The following PCDHA6 variants were observed in gnomAD, a reference collection of about 807,000 sequenced individuals.
PCDHA6 encodes protocadherin alpha 6.
In PCDHA6, 55 loss-of-function variants were observed where a neutral mutation model predicts 60.3. The ratio of observed to expected loss-of-function variants is 0.91; its 90% confidence interval spans 0.73 to 1.14. PCDHA6 has a LOEUF of 1.14. Among genes scored for constraint, PCDHA6 ranks in the 50% most tolerant of loss-of-function variants. The pLI, the probability that PCDHA6 is intolerant of heterozygous loss-of-function variation, is 0.00. For synonymous variants in PCDHA6, 652 were observed against 557.9 expected (o/e 1.17, Z -2.38); for missense variants, 1,327 against 1,256.5 (o/e 1.06, Z -0.85).
chr5:140,961,054 T>C (rs1290831214), intron 1 of PCDHA6, among the ~76,000 whole-genome samples: 2 of 152,136 alleles, frequency 1.3e-5, no homozygotes, highest in African/African-American at 4.8e-5. Context: ...AACAAAATGT[T>C]GAATGGGATA....
chr5:140,982,663 A>G (rs2096995052), intron 3 of PCDHA6, 100 bp downstream of exon 3: 5 of 1,473,648 alleles, frequency 3.4e-6, no homozygotes, highest in Admixed American at 2.6e-5. Context: ...TTTTTCTTTT[A>G]TATTTTTGTT....
chr5:140,980,030 C>T (rs552658283), intron 2 of PCDHA6, among the ~76,000 whole-genome samples: 29 of 152,292 alleles, frequency 1.9e-4, no homozygotes, highest in Admixed American at 4.6e-4. Flanking sequence ...GAAATCATTA[C>T]ATTGGGTGCT....
At chr5:140,851,005 T>C in intron 1 of PCDHA6, 1 of 1,432,862 alleles carries the variant, frequency 7.0e-7, no homozygotes, top group Non-Finnish European at 9.2e-7. Flanking sequence ...ATCCAGCAGA[T>C]TTTTTTTCTG....
intron 1 of PCDHA6, chr5:140,841,517 G>C (rs2150317250): frequency 6.2e-7 from 1 of 1,613,540 alleles, no homozygotes; most frequent in Non-Finnish European, 8.5e-7. Flanking sequence ...CCTGTTCCGG[G>C]TGGCGTCCAA....
chr5:140,925,088 A>G (rs536355365), intron 1 of PCDHA6, among the ~76,000 whole-genome samples: 11 of 151,436 alleles, frequency 7.3e-5, no homozygotes, highest in African/African-American at 2.7e-4. Context: ...CTGGAAAGGA[A>G]GGAAGGAAGG....
intron 1 of PCDHA6, chr5:140,875,971 CTT>C: frequency 6.2e-7 from 1 of 1,614,030 alleles, no homozygotes. Flanking sequence ...CGTAAACTCT[CTT>C]TTGACCTATG....
chr5:140,871,354 C>A, intron 1 of PCDHA6: 1 of 1,614,210 alleles, frequency 6.2e-7, no homozygotes, highest in Non-Finnish European at 8.5e-7. Flanking sequence ...GTCATACTCG[C>A]AGCAGAGGCG....
chr5:140,833,695 T>G (rs2150210401), intron 1 of PCDHA6, among the ~76,000 whole-genome samples: 1 of 152,154 alleles, frequency 6.6e-6, no homozygotes, highest in Non-Finnish European at 1.5e-5. Context: ...TCTTATTTTG[T>G]TTTCCCAAGA....
chr5:140,869,488 A>C, intron 1 of PCDHA6: 1 of 1,614,132 alleles, frequency 6.2e-7, no homozygotes. Context: ...CATTAACGAC[A>C]ACCCGCCGGT....
At chr5:140,857,777 A>C in intron 1 of PCDHA6, 1 of 1,597,518 alleles carries the variant, frequency 6.3e-7, no homozygotes, top group South Asian at 1.1e-5. Flanking sequence ...CGGTGCAGTC[A>C]GTGAGCTGGT....
In PCDHA6 at chr5:141,005,428, G is replaced by T. The variant is rs907211430; in HGVS notation, c.2543-4199G>T. On this transcript the variant is annotated intron_variant, in intron 3 of 3. Transcript: ENST00000529310. ...AGAGTGAGGAGTCATGCTAAGAATG[G>T]ATGAGAGGCTCACGCCTGTAATCCC... Among the ~76,000 whole-genome samples, 21 of 152,154 alleles carry T rather than the reference G, an allele frequency of 1.4e-4. 1 individual carries two copies. The highest frequency in any genetic ancestry group is 1.2e-3 in the Admixed American group (19 of 15,266).
rs563178599 is a variant in PCDHA6, at chr5:140,863,384, C to G, written c.2394+32899C>G. The G allele has an allele frequency of 5.4e-5, 56 of 1,044,914 alleles. No homozygotes were observed. In the South Asian group the frequency reaches 6.5e-4, roughly 12 times the overall value. The allele number at this position is 1,044,914 out of a possible 1,614,324, so 64.7% of individuals were successfully genotyped here. On this transcript the variant is annotated intron_variant, in intron 1 of 3. Coordinates refer to ENST00000529310, the MANE Select transcript of PCDHA6 (RefSeq NM_018909.4). ...TGCTTGGCGCAGCTCACCGAGAGCT[C>G]GTGCATGCCGGGCAAGCCCACGCTG... is the stretch of plus-strand genomic sequence containing the variant.
intron 1 of PCDHA6, chr5:140,863,137 G>GT (rs1309983213): frequency 1.7e-6 from 1 of 604,700 alleles, no homozygotes; most frequent in Admixed American, 1.9e-5. Context: ...CCGCCTGCTG[G>GT]TGCTGGTGAA....
At chr5:140,994,485 C>T (rs573689251) in intron 3 of PCDHA6, among the ~76,000 whole-genome samples, 2 of 152,146 alleles carry the variant, frequency 1.3e-5, no homozygotes, top group South Asian at 2.1e-4. Flanking sequence ...GGTGGATTGC[C>T]TGAACCCAGG....
chr5:140,828,812 A>G lies in PCDHA6; in HGVS notation c.721A>G (p.Thr241Ala), dbSNP rs2150159270. 1.2e-6 allele frequency: 2 copies of G among 1,614,228 alleles called. No homozygotes were observed. The highest frequency in any genetic ancestry group is 1.7e-6 in the Non-Finnish European group (2 of 1,180,040). ...TVLDVNDNAP[T>A]FEQSEYEVRI... ...GCTGGATGTGAATGATAATGCTCCC[A>G]CTTTCGAACAGTCTGAATACGAAGT... The change falls in exon 1 of 4, where the codon ACT (threonine) becomes GCT (alanine). Residue 241 changes from threonine to alanine, a missense_variant. Transcript: ENST00000529310.
rs142074942 is a variant in PCDHA6, at chr5:140,842,421, C to T, written c.2394+11936C>T. Reference sequence around the variant, plus strand: ...GTACGTGAAGACGCTCAATTTGGTACTGTCATCGCCCTAATTAGCGTGAAC... The same window carrying T: ...GTACGTGAAGACGCTCAATTTGGTATTGTCATCGCCCTAATTAGCGTGAAC... On this transcript the variant is annotated intron_variant, in intron 1 of 3. Coordinates refer to ENST00000529310, the MANE Select transcript of PCDHA6 (RefSeq NM_018909.4). The T allele has an allele frequency of 2.6e-4, 427 of 1,613,464 alleles. 6 individuals carry two copies. In the African/African-American group the frequency reaches 2.7e-3, roughly 10 times the overall value.
At chr5:140,936,311 T>C (rs1451314089) in intron 1 of PCDHA6, among the ~76,000 whole-genome samples, 1 of 152,228 alleles carries the variant, frequency 6.6e-6, no homozygotes, top group African/African-American at 2.4e-5. Flanking sequence ...AATAGAACTT[T>C]CTGACATGCT....
At chr5:140,850,483 C>A in intron 1 of PCDHA6, 2 of 1,598,100 alleles carry the variant, frequency 1.3e-6, no homozygotes, top group East Asian at 4.5e-5. Flanking sequence ...ACGGCCACGG[C>A]CACTGTGCTG....
chr5:140,871,760 G>C lies in PCDHA6; in HGVS notation c.2394+41275G>C, dbSNP rs191249350. Among the ~76,000 whole-genome samples the C allele has an allele frequency of 5.4e-3, 815 of 152,314 alleles. 3 individuals are homozygous for C. Among genetic ancestry groups the C allele is most frequent in the Middle Eastern group, 0.014 (4 of 294 alleles). The stretch of plus-strand genomic sequence containing the variant: ...AAATCCTAAAAGAAATGAGATGCAA[G>C]AGTGACTCTTCTGTAGTCACTTGAG... On this transcript the variant is annotated intron_variant, in intron 1 of 3. Coordinates refer to ENST00000529310, the MANE Select transcript of PCDHA6 (RefSeq NM_018909.4).
Sources: gnomAD v4.1 joint callset for allele counts (sites outside exome capture counted in the v4.1 genomes callset) on GRCh38, gnomAD v4.1.1 for gene constraint, MANE v1.5 for transcripts, NCBI Gene and HGNC (gene_info 2026-07-23, HGNC 2026-07-21) for gene names.